CEP128: variants seen among roughly 807,000 people sequenced by gnomAD.
CEP128 encodes centrosomal protein 128.
In CEP128, 132 loss-of-function variants were observed where a neutral mutation model predicts 156.7. The ratio of observed to expected loss-of-function variants is 0.84; its 90% CI spans 0.73 to 0.97. CEP128 has a LOEUF of 0.97. Ranked by LOEUF, CEP128 falls within the 50% of genes least tolerant of loss-of-function variation. CEP128 has a pLI of 0.00. For missense variants in CEP128, 1,252 were observed against 1,281.9 expected, an observed-to-expected ratio of 0.98 and a Z score of 0.36; for synonymous variants, 469 against 448.9, an observed-to-expected ratio of 1.04 and a Z score of -0.57.
At position 80,838,154 on chromosome 14, in the gene CEP128, C is replaced by A. The variant is rs1197475; in HGVS notation, c.924+50G>T. 2.5e-3 allele frequency: 3,222 copies of A among 1,275,044 alleles called. 81 individuals carry two copies. The African/African-American group carries it at 0.043, about 17-fold the overall frequency. 79.0% of individuals were successfully genotyped at this position (1,275,044 alleles called of 1,614,324 possible). A position where few individuals can be genotyped will look rare whatever the true frequency, so the allele number is the denominator to read the frequency against. ...ACAAAGACATTTAAATAGAGCTACT[C>A]AATCCTGATTTAATGTAAAAGTATA... On this transcript the variant is annotated intron_variant, in intron 11 of 24. Transcript: ENST00000555265.
chr14:80,819,178 G>A (rs772652734), intron 13 of CEP128, among the ~76,000 whole-genome samples: 12 of 150,150 alleles, frequency 8.0e-5, no homozygotes, highest in South Asian at 2.1e-4. Context: ...GCTGCAGACC[G>A]ACAACTTTCT....
At chr14:80,661,459 T>C (rs1249248470) in intron 19 of CEP128, among the ~76,000 whole-genome samples, 1 of 152,130 alleles carries the variant, frequency 6.6e-6, no homozygotes, top group Non-Finnish European at 1.5e-5. Context: ...TAACTGGAGA[T>C]ACAGTTCTGA....
chr14:80,885,616 T>C (rs1888759890), intron 8 of CEP128, among the ~76,000 whole-genome samples: 1 of 151,844 alleles, frequency 6.6e-6, no homozygotes, highest in Admixed American at 6.6e-5. Flanking sequence ...AAAAGCCCCA[T>C]CCAAAGGCCA....
At chr14:80,950,957 A>G (rs776492578) in intron 2 of CEP128, among the ~76,000 whole-genome samples, 1 of 151,970 alleles carries the variant, frequency 6.6e-6, no homozygotes, top group Non-Finnish European at 1.5e-5. Flanking sequence ...AAACTTTGAC[A>G]TAAGATTTGT....
At chr14:80,539,660 G>C (rs1238845171) in intron 21 of CEP128, among the ~76,000 whole-genome samples, 1 of 152,130 alleles carries the variant, frequency 6.6e-6, no homozygotes, top group African/African-American at 2.4e-5. Context: ...GCAATTTTTA[G>C]GGAACAAGGG....
chr14:80,626,640 C>T (rs1893741913), intron 19 of CEP128, among the ~76,000 whole-genome samples: 1 of 152,070 alleles, frequency 6.6e-6, no homozygotes, highest in African/African-American at 2.4e-5. Context: ...AGAAAGAATT[C>T]TCCCCTCAGA....
At chr14:80,534,591 C>T (rs545657847) in intron 21 of CEP128, among the ~76,000 whole-genome samples, 36 of 152,148 alleles carry the variant, frequency 2.4e-4, no homozygotes, top group African/African-American at 8.2e-4. Context: ...TTTGGGAGTC[C>T]GAGGCGGGTG....
downstream of CEP128, among the ~76,000 whole-genome samples, chr14:80,493,275 G>C (rs1041399929): frequency 6.6e-6 from 1 of 152,158 alleles, no homozygotes; most frequent in African/African-American, 2.4e-5. Flanking sequence ...AACATTGCAA[G>C]TTATCCTTGT....
rs916775208 is a variant in CEP128, at chr14:80,786,336, T to A, written c.1561-791A>T. 5.9e-5 allele frequency among the ~76,000 whole-genome samples: 9 copies of A among 151,864 alleles called. 1 individual carries two copies. In the South Asian group the frequency reaches 1.9e-3, roughly 32 times the overall value. ...TATACAACACTGGCACCAAAGATAA[T>A]CTCCGTGAAACAGGAGGGAAAAAAA... On this transcript the variant is annotated intron_variant, in intron 14 of 24. Transcript: ENST00000555265.
At chr14:80,935,658 A>AC (rs1456444745) in intron 2 of CEP128, among the ~76,000 whole-genome samples, 2 of 146,628 alleles carry the variant, frequency 1.4e-5, no homozygotes, top group Admixed American at 6.8e-5. Context: ...AAAAAAAAAA[A>AC]AAAAAAAAAA....
chr14:80,925,905 C>A (rs901687206), intron 2 of CEP128, among the ~76,000 whole-genome samples: 2 of 152,120 alleles, frequency 1.3e-5, no homozygotes, highest in Non-Finnish European at 2.9e-5. Flanking sequence ...TTAACCCTAC[C>A]TAGCGCTGGT....
chr14:80,596,212 T>C (rs903006997), intron 19 of CEP128, among the ~76,000 whole-genome samples: 6 of 152,076 alleles, frequency 3.9e-5, no homozygotes, highest in Admixed American at 2.6e-4. Flanking sequence ...TTAAAGAACA[T>C]GGCCCGATGT....
chr14:80,773,369 T>A (rs1371178028), intron 16 of CEP128, among the ~76,000 whole-genome samples: 3 of 152,234 alleles, frequency 2.0e-5, no homozygotes, highest in Non-Finnish European at 4.4e-5. Context: ...ATATATTCTT[T>A]GATAAAACAG....
intron 16 of CEP128, among the ~76,000 whole-genome samples, chr14:80,764,503 C>A (rs1386126273): frequency 1.4e-5 from 2 of 147,230 alleles, no homozygotes; most frequent in African/African-American, 5.0e-5. Flanking sequence ...GAGACTCCGT[C>A]TCAAAAAAAA....
At chr14:80,637,686 G>A (rs899435974) in intron 19 of CEP128, among the ~76,000 whole-genome samples, 2 of 152,180 alleles carry the variant, frequency 1.3e-5, no homozygotes, top group Non-Finnish European at 2.9e-5. Flanking sequence ...CTTAAACCGT[G>A]AAACCTGTGA....
chr14:80,924,101 A>G lies in CEP128; in HGVS notation c.-15-7539T>C, dbSNP rs191721870. ...AACCTCTTTGTTTATAAATTACCCA[A>G]TCTCATGTCATATCTTTATAGCAGT... On this transcript the variant is annotated intron_variant, in intron 2 of 24. Transcript: ENST00000555265. Among the ~76,000 whole-genome samples, 213 of 152,232 alleles carry G rather than the reference A, an allele frequency of 1.4e-3. 1 individual carries two copies. The highest frequency in any genetic ancestry group is 8.3e-3 in the East Asian group (43 of 5,174).
At chr14:80,542,161 C>T (rs545391299) in intron 21 of CEP128, among the ~76,000 whole-genome samples, 27 of 152,152 alleles carry the variant, frequency 1.8e-4, no homozygotes, top group Non-Finnish European at 2.8e-4. Context: ...GTATATGTAC[C>T]TCCCATCCTG....
chr14:80,592,163 A>G (rs1892102232), intron 19 of CEP128, among the ~76,000 whole-genome samples: 1 of 152,210 alleles, frequency 6.6e-6, no homozygotes, highest in Non-Finnish European at 1.5e-5. Flanking sequence ...ATCAGAGCAG[A>G]ACTGAAGGAG....
chr14:80,819,138 T>C (rs960475107), intron 13 of CEP128, among the ~76,000 whole-genome samples: 1 of 151,988 alleles, frequency 6.6e-6, no homozygotes, highest in Non-Finnish European at 1.5e-5. Flanking sequence ...CTATCTTGCA[T>C]GGTCAGATTC....
Sources: gnomAD v4.1 joint callset for allele counts (sites outside exome capture counted in the v4.1 genomes callset) on GRCh38, gnomAD v4.1.1 for gene constraint, MANE v1.5 for transcripts, NCBI Gene and HGNC (gene_info 2026-07-23, HGNC 2026-07-21) for gene names.